COP1: variants seen among roughly 807,000 people sequenced by gnomAD.
COP1 encodes COP1 E3 ubiquitin ligase, also known as E3 ubiquitin-protein ligase COP1.
A neutral mutation model predicts 101.3 loss-of-function variants in COP1; 24 were observed. The ratio of observed to expected loss-of-function variants is 0.24; its 90% CI spans 0.17 to 0.33. The LOEUF (loss-of-function observed/expected upper bound fraction) is 0.33. COP1 is among the 10% of genes least tolerant of loss of function. The pLI is 1.00. For synonymous variants in COP1, 347 were observed against 341.9 expected, an observed-to-expected ratio of 1.01 and a Z score of -0.17; for missense variants, 663 against 906.2, an observed-to-expected ratio of 0.73 and a Z score of 3.45.
intron 15 of COP1, among the ~76,000 whole-genome samples, chr1:175,994,203 C>G (rs1005009458): frequency 7.2e-4 from 109 of 152,210 alleles, no homozygotes; most frequent in African/African-American, 2.5e-3. Context: ...CTGAGAGAAT[C>G]TGTCACCACC....
chr1:175,987,241 C>T, intron 17 of COP1, 138 bp from the exon 18 acceptor site: 1 of 473,890 alleles, frequency 2.1e-6, no homozygotes, highest in Non-Finnish European at 3.7e-6. Context: ...GATCACAGGA[C>T]TAATTAGAAA....
intron 18 of COP1, among the ~76,000 whole-genome samples, chr1:175,972,074 T>C (rs1043161044): frequency 1.5e-4 from 23 of 152,196 alleles, no homozygotes; most frequent in African/African-American, 5.3e-4. Flanking sequence ...CATGCAATTC[T>C]AGGATACTTA....
At chr1:176,050,701 A>G (rs958889634) in intron 11 of COP1, among the ~76,000 whole-genome samples, 20 of 152,254 alleles carry the variant, frequency 1.3e-4, no homozygotes, top group African/African-American at 4.8e-4. Flanking sequence ...AATCAATACT[A>G]CTTGAAACTT....
chr1:176,068,978 G>A (rs1323870405), intron 11 of COP1, among the ~76,000 whole-genome samples: 2 of 152,106 alleles, frequency 1.3e-5, no homozygotes, highest in African/African-American at 4.8e-5. Context: ...ATGGGGGCTG[G>A]AAGTTTGAGA....
intron 5 of COP1, among the ~76,000 whole-genome samples, chr1:176,150,685 T>C (rs1029576755): frequency 6.6e-6 from 1 of 152,236 alleles, no homozygotes; most frequent in Non-Finnish European, 1.5e-5. Flanking sequence ...AAAGGAATTA[T>C]ACAAACTATC....
At chr1:176,077,721 C>T (rs1051566828) in intron 11 of COP1, among the ~76,000 whole-genome samples, 2 of 152,098 alleles carry the variant, frequency 1.3e-5, no homozygotes, top group Non-Finnish European at 2.9e-5. Flanking sequence ...TATCTCTCTT[C>T]ACTGACAGTA....
chr1:176,019,680 G>A (rs1220478068), intron 15 of COP1, among the ~76,000 whole-genome samples: 2 of 151,684 alleles, frequency 1.3e-5, no homozygotes. Flanking sequence ...GGGTAACATA[G>A]TGAAAATACG....
intron 3 of COP1, among the ~76,000 whole-genome samples, chr1:176,165,199 T>C (rs1389989894): frequency 2.0e-5 from 3 of 152,114 alleles, no homozygotes; most frequent in South Asian, 2.1e-4. Context: ...ATCATTAAAA[T>C]AGATTTACAA....
chr1:176,201,054 C>T (rs1572825899), intron 1 of COP1, among the ~76,000 whole-genome samples: 1 of 152,250 alleles, frequency 6.6e-6, no homozygotes, highest in East Asian at 1.9e-4. Flanking sequence ...AATCCAAAAT[C>T]ATGCAAAATC....
intron 6 of COP1, among the ~76,000 whole-genome samples, chr1:176,141,780 G>C (rs1056735077): frequency 6.6e-6 from 1 of 150,876 alleles, no homozygotes; most frequent in Non-Finnish European, 1.5e-5. Context: ...ACCCAGGCTG[G>C]AGTGCAGTGG....
intron 9 of COP1, 45 bp from the exon 10 acceptor site, chr1:176,085,935 C>G: frequency 9.3e-7 from 1 of 1,070,260 alleles, no homozygotes; most frequent in East Asian, 2.4e-5. Flanking sequence ...AAACAATACT[C>G]TTCTTTTGCA....
At chr1:176,103,944 GA>G (rs1490742392) in intron 9 of COP1, among the ~76,000 whole-genome samples, 2 of 151,370 alleles carry the variant, frequency 1.3e-5, no homozygotes, top group Non-Finnish European at 2.9e-5. Flanking sequence ...AAGTTCCTAT[GA>G]AAAAACAAAC....
chr1:176,122,264 A>C (rs1687266161), intron 8 of COP1, among the ~76,000 whole-genome samples: 2 of 152,164 alleles, frequency 1.3e-5, no homozygotes, highest in Non-Finnish European at 2.9e-5. Flanking sequence ...GTCTGAACAC[A>C]TCTGACATCA....
At chr1:176,135,856 T>C (rs1034683406) in intron 7 of COP1, among the ~76,000 whole-genome samples, 1 of 152,194 alleles carries the variant, frequency 6.6e-6, no homozygotes, top group South Asian at 2.1e-4. Context: ...AACTTAAGAA[T>C]GCTACAGAGG....
At chr1:176,080,433 A>G (rs551766090) in intron 11 of COP1, among the ~76,000 whole-genome samples, 14 of 152,288 alleles carry the variant, frequency 9.2e-5, no homozygotes, top group African/African-American at 3.4e-4. Flanking sequence ...AAGATTAATG[A>G]TAACAGAAAA....
At chr1:176,121,047 AT>A (rs34962929) in intron 8 of COP1, among the ~76,000 whole-genome samples, 1 of 151,640 alleles carries the variant, frequency 6.6e-6, no homozygotes, top group Non-Finnish European at 1.5e-5. Context: ...ATTATCATTG[AT>A]TTTTTTTGCT....
In COP1 at chr1:176,003,450, C is replaced by T. The variant is rs1168700449; in HGVS notation, c.1730-13971G>A. On this transcript the variant is annotated intron_variant, in intron 15 of 19. Coordinates refer to ENST00000367669, the MANE Select transcript of COP1 (RefSeq NM_022457.7). ...CATGCCTATGTCCTGAATGGTATTG[C>T]CTAGGTTTTCTTCTAGGGTTTTTAT... 5.3e-5 allele frequency among the ~76,000 whole-genome samples: 8 copies of T among 151,912 alleles called. No individual in the cohort carries two copies. The East Asian group carries it at 1.5e-3, about 29-fold the overall frequency.
intron 11 of COP1, among the ~76,000 whole-genome samples, chr1:176,068,559 T>C (rs1453383562): frequency 4.6e-5 from 7 of 152,296 alleles, no homozygotes; most frequent in African/African-American, 1.7e-4. Flanking sequence ...ATTTCAAAGG[T>C]CTCATTTCAT....
intron 1 of COP1, among the ~76,000 whole-genome samples, chr1:176,191,708 T>C (rs1343860927): frequency 6.6e-6 from 1 of 152,140 alleles, no homozygotes; most frequent in Non-Finnish European, 1.5e-5. Context: ...CATCTCACTC[T>C]TTCCCAGTTC....
Sources: gnomAD v4.1 joint callset for allele counts (sites outside exome capture counted in the v4.1 genomes callset) on GRCh38, gnomAD v4.1.1 for gene constraint, MANE v1.5 for transcripts, NCBI Gene and HGNC (gene_info 2026-07-23, HGNC 2026-07-21) for gene names.